The following AGO2 variants were observed in gnomAD, a reference collection of about 807,000 sequenced individuals.
AGO2 encodes the protein argonaute RISC catalytic component 2.
AGO2 carries 5 observed loss-of-function variants against 102.3 expected under a neutral mutation model. That is an observed-to-expected ratio of 0.05 (90% CI 0.03 to 0.10). The LOEUF (loss-of-function observed/expected upper bound fraction) is 0.10, where lower values mean the gene tolerates loss of function less well. Ranked by LOEUF, AGO2 falls within the 10% of genes least tolerant of loss-of-function variation. AGO2 has a pLI of 1.00. For missense variants in AGO2, 541 were observed against 1,183.7 expected, an observed-to-expected ratio of 0.46 and a Z score of 7.97; for synonymous variants, 449 against 473.1, an observed-to-expected ratio of 0.95 and a Z score of 0.66.
chr8:140,609,730 C>G (rs986834355), intron 1 of AGO2, among the ~76,000 whole-genome samples: 1 of 152,186 alleles, frequency 6.6e-6, no homozygotes, highest in Non-Finnish European at 1.5e-5. Context: ...CAGCACAGAG[C>G]AGGTGCTCAA....
Position 140,532,162 on chromosome 8 carries a change from T to TGA in AGO2, c.2472-12_2472-11dup, listed in dbSNP as rs565333105. 32 of 1,602,196 alleles carry TGA rather than the reference T, an allele frequency of 2.0e-5. No homozygotes were observed. Among genetic ancestry groups the TGA allele is most frequent in the Admixed American group, 1.3e-4 (8 of 59,724 alleles). ...ATGGCTTCCTTCAGCACTGCAGGGA[T>TGA]GAGAGAGAGAGAGAATGAGAATGTG... On this transcript the variant is annotated splice_polypyrimidine_tract_variant and intron_variant, in intron 18 of 18. Transcript: ENST00000220592.
chr8:140,595,864 C>A (rs62529974), intron 1 of AGO2, among the ~76,000 whole-genome samples: 2 of 37,372 alleles, frequency 5.4e-5, no homozygotes, highest in African/African-American at 1.9e-4. Flanking sequence ...ATATTATATA[C>A]AATTGTATAT....
intron 2 of AGO2, among the ~76,000 whole-genome samples, chr8:140,582,438 G>A (rs1017834165): frequency 6.6e-6 from 1 of 152,186 alleles, no homozygotes; most frequent in Non-Finnish European, 1.5e-5. Context: ...CAACTGGTAA[G>A]CGTAACGGAA....
chr8:140,570,343 A>G (rs1323161324), intron 3 of AGO2, among the ~76,000 whole-genome samples: 1 of 151,882 alleles, frequency 6.6e-6, no homozygotes, highest in Non-Finnish European at 1.5e-5. Flanking sequence ...CTCATGCTTC[A>G]GCCTCCCAAG....
rs375633273 is a variant in AGO2 at position 140,562,437 on chromosome 8, C to T, written c.518+16G>A. The T allele has an allele frequency of 1.7e-5, 28 of 1,602,494 alleles. 1 individual carries two copies. Among genetic ancestry groups the T allele is most frequent in the East Asian group, 1.3e-4 (6 of 44,620 alleles). On this transcript the variant is annotated intron_variant, in intron 4 of 18. Coordinates refer to ENST00000220592, the MANE Select transcript of AGO2 (RefSeq NM_012154.5). Reference sequence around the variant, plus strand: ...CAGGGGAGTCCCCCGCCCTTGGTCCCGTGTGGCGCCCTCACCTCATGGATG... The same window carrying T: ...CAGGGGAGTCCCCCGCCCTTGGTCCTGTGTGGCGCCCTCACCTCATGGATG...
intron 16 of AGO2, 75 bp from the exon 17 acceptor site, chr8:140,535,644 C>G: frequency 1.4e-6 from 2 of 1,435,784 alleles, no homozygotes; most frequent in Non-Finnish European, 2.0e-6. Flanking sequence ...GGCAGCCGCG[C>G]CGCCCGCTGG....
intron 3 of AGO2, 152 bp downstream of exon 3, chr8:140,572,660 T>C (rs535276405): frequency 1.1e-5 from 12 of 1,101,112 alleles, no homozygotes; most frequent in African/African-American, 8.0e-5. Context: ...GTAGTTTTTA[T>C]GGATCTCAGG....
Position 140,539,876 on chromosome 8 carries a change from CAA to C in AGO2, c.2035-424_2035-423del, listed in dbSNP as rs1045526778. Among the ~76,000 whole-genome samples the C allele has an allele frequency of 6.6e-6, 1 of 152,156 alleles. No individual in the cohort carries two copies. Among genetic ancestry groups the C allele is most frequent in the African/African-American group, 2.4e-5 (1 of 41,420 alleles). Reference sequence around the variant, plus strand: ...GGCCGAGTTGGGCGGATCACAAGATCAAGAGATCGAGATCATCCTGGCCAACA... The same window carrying C: ...GGCCGAGTTGGGCGGATCACAAGATCGAGATCGAGATCATCCTGGCCAACA... On this transcript the variant is annotated intron_variant, in intron 15 of 18. Coordinates refer to ENST00000220592, the MANE Select transcript of AGO2 (RefSeq NM_012154.5). The surrounding 1 kb of genome is among the most constrained non-coding windows in gnomAD (Gnocchi z 4.7).
chr8:140,559,302 G>A (rs778011541), intron 6 of AGO2, 93 bp downstream of exon 6: 28 of 1,499,058 alleles, frequency 1.9e-5, no homozygotes, highest in Admixed American at 1.9e-5. Flanking sequence ...CCCCAAATGC[G>A]CACAAGAACC....
intron 3 of AGO2, among the ~76,000 whole-genome samples, chr8:140,564,603 C>T (rs1054305219): frequency 3.9e-5 from 6 of 152,124 alleles, no homozygotes; most frequent in African/African-American, 1.4e-4. Context: ...TTTTCTTTAC[C>T]TTATGATTTC....
rs1308828307 is a variant in AGO2, at chr8:140,555,985, C to T, written c.1180G>A (p.Val394Ile). 3.7e-6 allele frequency: 6 copies of T among 1,614,046 alleles called. No homozygotes were observed. The highest frequency in any genetic ancestry group is 1.7e-5 in the Admixed American group (1 of 60,006). Residue 394 changes from valine (V) to isoleucine (I), a missense_variant, in exon 10 of 19, where the codon GTC becomes ATC. By Grantham distance (29) the Val-to-Ile change is conservative. Transcript: ENST00000220592. ...RSASFNTDPY[V>I]REFGIMVKDE... ...TTGACCATGATTCCAAATTCACGGACGTATGGATCTGTGTTGAAACTTGCA... is the reference window on the plus strand; with the variant it reads ...TTGACCATGATTCCAAATTCACGGATGTATGGATCTGTGTTGAAACTTGCA...
chr8:140,615,583 G>A (rs2074131789), intron 1 of AGO2, among the ~76,000 whole-genome samples: 1 of 152,274 alleles, frequency 6.6e-6, no homozygotes, highest in Non-Finnish European at 1.5e-5. Flanking sequence ...GACACTTCAG[G>A]GACAGAATAG....
At chr8:140,611,525 A>T (rs1427058472) in intron 1 of AGO2, among the ~76,000 whole-genome samples, 1 of 151,904 alleles carries the variant, frequency 6.6e-6, no homozygotes, top group Non-Finnish European at 1.5e-5. Flanking sequence ...ACGAGGTTTC[A>T]CCATGTTGGC....
chr8:140,564,448 T>C (rs1027966060), intron 3 of AGO2, among the ~76,000 whole-genome samples: 5 of 152,192 alleles, frequency 3.3e-5, no homozygotes, highest in Non-Finnish European at 7.3e-5. Context: ...GGGTTGGAAC[T>C]ACGCAAGCGG....
rs1018372880 is a variant in AGO2 at position 140,558,476 on chromosome 8, G to T, written c.878+9C>A. On this transcript the variant is annotated intron_variant, in intron 7 of 18. Coordinates refer to ENST00000220592, the MANE Select transcript of AGO2 (RefSeq NM_012154.5). The stretch of plus-strand genomic sequence containing the variant: ...CAGCCAAGAGAGTCTGAAAGGAAGG[G>T]CGTGTTACGTTTGGTGACTGGCGGG... 7 of 1,614,038 alleles carry T rather than the reference G, an allele frequency of 4.3e-6. No homozygotes were observed. In the African/African-American group the frequency reaches 9.3e-5, roughly 22 times the overall value.
chr8:140,591,246 T>C (rs944753755), intron 1 of AGO2, among the ~76,000 whole-genome samples: 1 of 152,250 alleles, frequency 6.6e-6, no homozygotes, highest in Admixed American at 6.5e-5. Context: ...ATTTCCAACC[T>C]GTCTCAGCCT....
At chr8:140,576,545 C>G (rs181574552) in intron 2 of AGO2, among the ~76,000 whole-genome samples, 1 of 152,122 alleles carries the variant, frequency 6.6e-6, no homozygotes, top group African/African-American at 2.4e-5. Flanking sequence ...GTTCATCACT[C>G]GGCTTTAGGG....
chr8:140,563,094 G>A (rs1043077072), intron 3 of AGO2, among the ~76,000 whole-genome samples: 6 of 152,174 alleles, frequency 3.9e-5, no homozygotes, highest in South Asian at 2.1e-4. Flanking sequence ...GGACACACAC[G>A]AGCCCACTCA....
Position 140,522,688 on chromosome 8 carries a change from G to C in AGO2, c.*9356C>G, listed in dbSNP as rs2132829503. On this transcript the variant is annotated 3_prime_UTR_variant, in exon 19 of 19. Coordinates refer to ENST00000220592, the MANE Select transcript of AGO2 (RefSeq NM_012154.5). ...GACAAGAGAGAGAGAGAGAGACAGA[G>C]ACAGAGACAGAGAGAGGGAGGGGGA... The C allele has an allele frequency of 7.7e-6, 1 of 130,150 alleles. No individual in the cohort carries two copies. The highest frequency in any genetic ancestry group is 2.8e-5 in the African/African-American group (1 of 35,548). The allele number at this position is 130,150 out of a possible 1,614,324, so 8.1% of individuals were successfully genotyped here.
Sources: allele counts gnomAD v4.1 joint callset (sites outside exome capture counted in the v4.1 genomes callset), GRCh38; gene constraint gnomAD v4.1.1; non-coding constraint Gnocchi (gnomAD v3.1); transcripts MANE v1.5; gene names NCBI Gene and HGNC (gene_info 2026-07-23, HGNC 2026-07-21).